Variants in SLAMF6 observed in about 807,000 individuals in gnomAD.
SLAMF6 encodes NK-T-B-antigen.
A neutral mutation model predicts 38.3 loss-of-function variants in SLAMF6; 21 were observed. That is an observed-to-expected ratio of 0.55 (90% confidence interval 0.39 to 0.79). The LOEUF (loss-of-function observed/expected upper bound fraction) is 0.79, where lower values mean the gene tolerates loss of function less well. SLAMF6 is among the 30% of genes least tolerant of loss of function. SLAMF6 has a pLI of 0.00. For missense variants in SLAMF6, 341 were observed against 385.3 expected (o/e 0.89, Z 0.96); for synonymous variants, 152 against 146.3 (o/e 1.04, Z -0.28).
At chr1:160,506,732 A>C (rs188005151) in intron 1 of SLAMF6, among the ~76,000 whole-genome samples, 3 of 152,336 alleles carry the variant, frequency 2.0e-5, no homozygotes, top group Admixed American at 1.3e-4. Flanking sequence ...GCACACATGC[A>C]CAAAGATGTA....
At chr1:160,502,356 G>A (rs1260854275) in intron 1 of SLAMF6, among the ~76,000 whole-genome samples, 2 of 152,186 alleles carry the variant, frequency 1.3e-5, no homozygotes, top group African/African-American at 4.8e-5. Flanking sequence ...GGAACTCCTT[G>A]CAACATGAAG....
In SLAMF6 at chr1:160,504,829, A is replaced by G. The variant is rs79743359; in HGVS notation, c.50-8436T>C. Among the ~76,000 whole-genome samples, 239 of 152,346 alleles carry G rather than the reference A, an allele frequency of 1.6e-3. 1 individual carries two copies. The highest frequency in any genetic ancestry group is 5.5e-3 in the African/African-American group (228 of 41,590). ...CATTAAGAAAATGTCTGCTTATACC[A>G]GGGAATTTGGAAAGCCACATACATG... On this transcript the variant is annotated intron_variant, in intron 1 of 7. Transcript: ENST00000368057.
In SLAMF6 at chr1:160,502,326, A is replaced by G. The variant is rs542099102; in HGVS notation, c.50-5933T>C. ...GGGACTCATGGGAAGCTTTCCTTTG[A>G]GACTCTCATAAGTCACTGGGGAACT... On this transcript the variant is annotated intron_variant, in intron 1 of 7. Transcript: ENST00000368057. 2.6e-5 allele frequency among the ~76,000 whole-genome samples: 4 copies of G among 152,288 alleles called. No homozygotes were observed. In the East Asian group the frequency reaches 7.7e-4, roughly 29 times the overall value.
At chr1:160,493,843 C>T (rs1653427590) in intron 2 of SLAMF6, among the ~76,000 whole-genome samples, 1 of 152,058 alleles carries the variant, frequency 6.6e-6, no homozygotes. Context: ...TCACGTCTTG[C>T]ATGGCAGCAG....
intron 7 of SLAMF6, 42 bp downstream of exon 7, chr1:160,487,062 G>T: frequency 6.7e-7 from 1 of 1,487,462 alleles, no homozygotes; most frequent in Non-Finnish European, 9.4e-7. Flanking sequence ...GGTCTGTGGA[G>T]AGAGGTAAGA....
intron 1 of SLAMF6, among the ~76,000 whole-genome samples, chr1:160,509,660 A>G (rs1654374426): frequency 6.6e-6 from 1 of 152,210 alleles, no homozygotes; most frequent in Non-Finnish European, 1.5e-5. Context: ...TATTAAAAAA[A>G]TAAAGAAGGA....
intron 7 of SLAMF6, 109 bp from the exon 8 acceptor site, chr1:160,486,863 G>A: frequency 8.0e-7 from 1 of 1,253,698 alleles, no homozygotes; most frequent in Non-Finnish European, 1.2e-6. Flanking sequence ...AGATAATAGA[G>A]ATATTGATAG....
At chr1:160,500,538 C>G (rs1411766999) in intron 1 of SLAMF6, among the ~76,000 whole-genome samples, 1 of 152,134 alleles carries the variant, frequency 6.6e-6, no homozygotes, top group African/African-American at 2.4e-5. Context: ...TTTGCACCAT[C>G]AGCCCCCATC....
intron 1 of SLAMF6, among the ~76,000 whole-genome samples, chr1:160,507,568 C>T (rs540098321): frequency 6.6e-6 from 1 of 151,772 alleles, no homozygotes; most frequent in South Asian, 2.1e-4. Flanking sequence ...AACACTACAT[C>T]CAAACACAAC....
chr1:160,504,285 C>T (rs1411493725), intron 1 of SLAMF6, among the ~76,000 whole-genome samples: 1 of 151,948 alleles, frequency 6.6e-6, no homozygotes, highest in African/African-American at 2.4e-5. Flanking sequence ...CATACTTGCA[C>T]AAAAAGGGTA....
intron 7 of SLAMF6, 77 bp downstream of exon 7, chr1:160,487,027 T>C: frequency 1.5e-6 from 2 of 1,342,134 alleles, no homozygotes; most frequent in Non-Finnish European, 2.1e-6. Flanking sequence ...GACCCTTTTA[T>C]TTTTACTTTA....
chr1:160,495,173 TGAGTGAATTTTA>T (rs577632160), intron 2 of SLAMF6, among the ~76,000 whole-genome samples: 216 of 152,336 alleles, frequency 1.4e-3, no homozygotes, highest in Middle Eastern at 3.4e-3. Context: ...CAAAGGACTC[TGAGTGAATTTTA>T]GACACTACAG....
At chr1:160,519,891 G>A (rs1001334456) in intron 1 of SLAMF6, among the ~76,000 whole-genome samples, 1 of 152,078 alleles carries the variant, frequency 6.6e-6, no homozygotes, top group African/African-American at 2.4e-5. Flanking sequence ...TTCACAAAAT[G>A]TACAAAATGT....
At chr1:160,512,463 G>A (rs901859302) in intron 1 of SLAMF6, among the ~76,000 whole-genome samples, 2 of 152,188 alleles carry the variant, frequency 1.3e-5, no homozygotes, top group Non-Finnish European at 2.9e-5. Context: ...GTCTGGATAA[G>A]TAGGATCCCC....
At chr1:160,500,468 C>T (rs1268524) in intron 1 of SLAMF6, among the ~76,000 whole-genome samples, 109,453 of 152,040 alleles carry the variant, frequency 0.72, 39,560 homozygotes, top group African/African-American at 0.75. Flanking sequence ...CTTTTGCCTC[C>T]ATAAAGTCAT....
intron 1 of SLAMF6, among the ~76,000 whole-genome samples, chr1:160,513,984 A>G (rs542321812): frequency 6.6e-6 from 1 of 152,356 alleles, no homozygotes. Context: ...ACTAGCTAGT[A>G]TCATGATGAC....
chr1:160,512,475 C>T (rs956221430), intron 1 of SLAMF6, among the ~76,000 whole-genome samples: 1 of 152,272 alleles, frequency 6.6e-6, no homozygotes, highest in East Asian at 1.9e-4. Context: ...AGGATCCCCC[C>T]CACCACAGCA....
chr1:160,511,302 A>G (rs1040106310), intron 1 of SLAMF6, among the ~76,000 whole-genome samples: 3 of 152,236 alleles, frequency 2.0e-5, no homozygotes, highest in Admixed American at 1.3e-4. Context: ...GTGGACTCAC[A>G]CTTTCCAATT....
At chr1:160,512,570 C>A (rs575383420) in intron 1 of SLAMF6, among the ~76,000 whole-genome samples, 145 of 152,288 alleles carry the variant, frequency 9.5e-4, no homozygotes, top group African/African-American at 3.4e-3. Flanking sequence ...GACTCCCCAG[C>A]AGGGGTTACC....
Sources: allele counts gnomAD v4.1 joint callset (sites outside exome capture counted in the v4.1 genomes callset), GRCh38; gene constraint gnomAD v4.1.1; transcripts MANE v1.5; gene names NCBI Gene and HGNC (gene_info 2026-07-23, HGNC 2026-07-21).